The following MICU3 variants were observed in gnomAD, a reference collection of about 807,000 sequenced individuals.
MICU3 encodes calcium uptake protein 3, mitochondrial.
Under a neutral mutation model 66.5 loss-of-function variants are expected in MICU3, and 62 were observed. The ratio of observed to expected loss-of-function variants is 0.93; its 90% CI spans 0.76 to 1.15. The LOEUF (loss-of-function observed/expected upper bound fraction) is 1.15, where lower values mean the gene tolerates loss of function less well. MICU3 is among the 50% of genes most tolerant of loss of function. The pLI, the probability that MICU3 is intolerant of heterozygous loss-of-function variation, is 0.00. For synonymous variants in MICU3, 308 were observed against 240.7 expected (o/e 1.28, Z -2.59); for missense variants, 779 against 664.4 (o/e 1.17, Z -1.90).
chr8:17,033,585 C>A (rs971664664), intron 1 of MICU3, among the ~76,000 whole-genome samples: 2 of 152,044 alleles, frequency 1.3e-5, no homozygotes, highest in Non-Finnish European at 2.9e-5. Context: ...TGCAGGCTCC[C>A]ACCACCACAC....
chr8:17,113,285 C>G (rs920529156), intron 11 of MICU3, among the ~76,000 whole-genome samples: 1 of 152,208 alleles, frequency 6.6e-6, no homozygotes, highest in African/African-American at 2.4e-5. Context: ...TCTCTGTTCT[C>G]TTTCTTAATT....
At chr8:17,047,111 G>T (rs988348050) in intron 1 of MICU3, among the ~76,000 whole-genome samples, 1 of 152,138 alleles carries the variant, frequency 6.6e-6, no homozygotes, top group Non-Finnish European at 1.5e-5. Context: ...GGATAATTTG[G>T]TTGAGTCTGT....
the MICU3 span, chr8:17,134,371 A>C: frequency 6.5e-6 from 1 of 153,824 alleles, no homozygotes; most frequent in South Asian, 2.0e-4. Flanking sequence ...GGAAGAGCTC[A>C]TGTTTCAACT....
intron 8 of MICU3, among the ~76,000 whole-genome samples, chr8:17,092,485 G>C (rs1800178102): frequency 6.6e-6 from 1 of 151,572 alleles, no homozygotes; most frequent in South Asian, 2.1e-4. Flanking sequence ...ACATTTTATT[G>C]TAATATTTTT....
intron 9 of MICU3, among the ~76,000 whole-genome samples, chr8:17,101,803 T>G (rs1801278809): frequency 6.6e-6 from 1 of 151,908 alleles, no homozygotes; most frequent in Non-Finnish European, 1.5e-5. Flanking sequence ...GAGTGTATGA[T>G]GTAAAAATCT....
At chr8:17,068,489 A>G (rs968193987) in intron 2 of MICU3, among the ~76,000 whole-genome samples, 7 of 152,202 alleles carry the variant, frequency 4.6e-5, no homozygotes, top group African/African-American at 1.7e-4. Context: ...ACAGAATAAT[A>G]AATACTATTT....
chr8:17,114,236 G>T (rs766428589), intron 12 of MICU3, 35 bp downstream of exon 12: 7 of 1,301,202 alleles, frequency 5.4e-6, no homozygotes, highest in Admixed American at 3.7e-5. Flanking sequence ...AAAGCAAGAA[G>T]TAATACTACA....
At chr8:17,077,681 T>A in intron 3 of MICU3, 102 bp from the exon 4 acceptor site, 2 of 729,636 alleles carry the variant, frequency 2.7e-6, no homozygotes, top group Non-Finnish European at 2.3e-6. Context: ...ATGTTTCAGG[T>A]CTTTTAAGTG....
In MICU3 at chr8:17,064,253, A is replaced by C; in HGVS notation, c.535+16A>C. ...GAGCCCAAAGGTAAGTACACTTTTG[A>C]AATTATCTTAATAATTGTATAATTT... On this transcript the variant is annotated intron_variant, in intron 2 of 14. Transcript: ENST00000318063. The C allele has an allele frequency of 6.3e-7, 1 of 1,586,314 alleles. No homozygotes were observed. The highest frequency in any genetic ancestry group is 8.6e-7 in the Non-Finnish European group (1 of 1,165,564).
chr8:17,106,101 A>T (rs951654947), intron 11 of MICU3, among the ~76,000 whole-genome samples: 1 of 152,060 alleles, frequency 6.6e-6, no homozygotes, highest in Non-Finnish European at 1.5e-5. Flanking sequence ...GTTTAGTAAC[A>T]AATGTGTTGT....
At chr8:17,112,091 C>G (rs1479052875) in intron 11 of MICU3, among the ~76,000 whole-genome samples, 1 of 152,124 alleles carries the variant, frequency 6.6e-6, no homozygotes, top group Non-Finnish European at 1.5e-5. Flanking sequence ...CCAGTCACTT[C>G]CCTCCCTCAA....
At chr8:17,043,092 A>G (rs1157206038) in intron 1 of MICU3, among the ~76,000 whole-genome samples, 1 of 150,732 alleles carries the variant, frequency 6.6e-6, no homozygotes, top group East Asian at 2.0e-4. Flanking sequence ...GGCGCCCACC[A>G]CCACGCCCGG....
intron 1 of MICU3, chr8:17,049,704 A>G (rs1459124373): frequency 4.0e-6 from 2 of 502,162 alleles, no homozygotes; most frequent in African/African-American, 3.9e-5. Flanking sequence ...GTGTGTTGTA[A>G]TACTGAAGTT....
the MICU3 span, among the ~76,000 whole-genome samples, chr8:17,133,285 A>G: frequency 3.3e-5 from 5 of 152,168 alleles, no homozygotes; most frequent in Non-Finnish European, 7.4e-5. Context: ...CTGCTCCACT[A>G]TTAACAGAAG....
intron 1 of MICU3, among the ~76,000 whole-genome samples, chr8:17,063,265 C>T (rs986296003): frequency 3.9e-5 from 6 of 151,928 alleles, no homozygotes; most frequent in African/African-American, 4.8e-5. Context: ...AGAAAAATGG[C>T]CCTGATAATT....
intron 9 of MICU3, among the ~76,000 whole-genome samples, chr8:17,102,121 A>G (rs1801314460): frequency 6.6e-6 from 1 of 151,750 alleles, no homozygotes; most frequent in African/African-American, 2.4e-5. Context: ...TCACCACAGT[A>G]CTGGCTATTT....
At chr8:17,084,602 G>A (rs1241110160) in intron 5 of MICU3, among the ~76,000 whole-genome samples, 1 of 152,038 alleles carries the variant, frequency 6.6e-6, no homozygotes, top group African/African-American at 2.4e-5. Context: ...TCTCCTTTAT[G>A]CTCTAGAAGT....
chr8:17,066,878 T>C (rs897327159), intron 2 of MICU3, among the ~76,000 whole-genome samples: 2 of 152,096 alleles, frequency 1.3e-5, no homozygotes, highest in African/African-American at 4.8e-5. Context: ...TTTTACTTCA[T>C]TATTTTCTAG....
chr8:17,105,620 GT>G (rs1801674053), intron 11 of MICU3, 36 bp downstream of exon 11: 1 of 1,306,722 alleles, frequency 7.7e-7, no homozygotes. Context: ...TTATGTTACT[GT>G]TTTGCAATAC....
Sources: gnomAD v4.1 joint callset for allele counts (sites outside exome capture counted in the v4.1 genomes callset) on GRCh38, gnomAD v4.1.1 for gene constraint, MANE v1.5 for transcripts, NCBI Gene and HGNC (gene_info 2026-07-23, HGNC 2026-07-21) for gene names.